Variants in ATP2A3 observed in about 807,000 individuals in gnomAD.
ATP2A3 encodes the protein ATPase sarcoplasmic/endoplasmic reticulum Ca2+ transporting 3, also known as sarcoplasmic/endoplasmic reticulum calcium ATPase 3.
A neutral mutation model predicts 106.8 loss-of-function variants in ATP2A3; 61 were observed. The observed-to-expected ratio is 0.57, with a 90% CI of 0.46 to 0.71. The LOEUF (loss-of-function observed/expected upper bound fraction) is 0.71, where lower values mean the gene tolerates loss of function less well. Among genes scored for constraint, ATP2A3 ranks in the 30% least tolerant of loss-of-function variants. The pLI is 0.00. For missense variants in ATP2A3, 1,201 were observed against 1,423.5 expected, an observed-to-expected ratio of 0.84 and a Z score of 2.52; for synonymous variants, 611 against 609.3, an observed-to-expected ratio of 1.00 and a Z score of -0.04.
rs2052615665 is a variant in ATP2A3, at chr17:3,924,778, T to C, written c.*644A>G. The C allele has an allele frequency of 4.4e-6, 2 of 456,486 alleles. No individual in the cohort carries two copies. The highest frequency in any genetic ancestry group is 2.0e-5 in the African/African-American group (1 of 50,064). The allele number at this position is 456,486 out of a possible 1,614,324, so 28.3% of individuals were successfully genotyped here. A position where few individuals can be genotyped will look rare whatever the true frequency, so the allele number is the denominator to read the frequency against. ...CCTGCCGGCTCCTTGTGTCCGTCTC[T>C]CTGACCCTTCACCCGCCCGGGCCCT... On this transcript the variant is annotated 3_prime_UTR_variant, in exon 21 of 21. Transcript: ENST00000397041. The surrounding 1 kb of genome is among the most constrained non-coding windows in gnomAD (Gnocchi z 6.4).
rs1311479458 is a variant in ATP2A3, at chr17:3,930,805, T to C, written c.2611-371A>G. ...AACCATGCGGGAGTGGAATTCACCT[T>C]TGCGGTATAGAAGATGAAGGCTACG... On this transcript the variant is annotated intron_variant, in intron 17 of 20. Coordinates refer to ENST00000397041, the MANE Select transcript of ATP2A3 (RefSeq NM_005173.4). This position sits in a 1 kb window ranked among gnomAD's most constrained non-coding sequence, Gnocchi z 5.4. 8.1e-6 allele frequency: 3 copies of C among 372,336 alleles called. No homozygotes were observed. Among genetic ancestry groups the C allele is most frequent in the Non-Finnish European group, 1.6e-5 (3 of 191,584 alleles). 23.1% of individuals were successfully genotyped at this position (372,336 alleles called of 1,614,324 possible). A position where few individuals can be genotyped will look rare whatever the true frequency, so the allele number is the denominator to read the frequency against.
At chr17:3,951,418 T>A (rs542682830) in intron 4 of ATP2A3, 29 bp from the exon 5 acceptor site, 1 of 1,613,274 alleles carries the variant, frequency 6.2e-7, no homozygotes, top group South Asian at 1.1e-5. Flanking sequence ...GCAGGCAGTC[T>A]GTCCCTGCTG....
chr17:3,929,551 G>A lies in ATP2A3; in HGVS notation c.2745-106C>T, dbSNP rs1447336634. 4 of 984,348 alleles carry A rather than the reference G, an allele frequency of 4.1e-6. No individual in the cohort carries two copies. The allele number at this position is 984,348 out of a possible 1,614,324, so 61.0% of individuals were successfully genotyped here. ...ACCACTTCTCTAGCGGTGCATTGCT[G>A]TTGCCCGCTCGGCCTGCCAGGGCCT... On this transcript the variant is annotated intron_variant, in intron 18 of 20. Transcript: ENST00000397041. The surrounding 1 kb of genome is among the most constrained non-coding windows in gnomAD (Gnocchi z 4.3).
chr17:3,928,214 C>T lies in ATP2A3; in HGVS notation c.2980+449G>A. On this transcript the variant is annotated intron_variant, in intron 20 of 20. Transcript: ENST00000397041. This position sits in a 1 kb window ranked among gnomAD's most constrained non-coding sequence, Gnocchi z 6.1. ...GAAACAACCCTCCCCTTGACCCACC[C>T]ACAAGGTGATACCAAAGAGGCCAAC... The T allele has an allele frequency of 6.2e-7, 1 of 1,613,316 alleles. No individual in the cohort carries two copies. The highest frequency in any genetic ancestry group is 8.5e-7 in the Non-Finnish European group (1 of 1,179,684).
rs979770911 is a variant in ATP2A3, at chr17:3,925,164, C to G, written c.*258G>C. ...CCCCTCCCAGCCTGCAGCTCCTGGG[C>G]CAGAGCTGCAGAGCAGGGAACTTCC... is the stretch of plus-strand genomic sequence containing the variant. On this transcript the variant is annotated 3_prime_UTR_variant, in exon 21 of 21. Transcript: ENST00000397041. This position sits in a 1 kb window ranked among gnomAD's most constrained non-coding sequence, Gnocchi z 4.2. 4.9e-6 allele frequency: 3 copies of G among 607,840 alleles called. No individual in the cohort carries two copies. The African/African-American group carries it at 5.6e-5, about 11-fold the overall frequency. The allele number at this position is 607,840 out of a possible 1,614,324, so 37.7% of individuals were successfully genotyped here. A position where few individuals can be genotyped will look rare whatever the true frequency, so the allele number is the denominator to read the frequency against.
rs998942768 is a variant in ATP2A3 at position 3,926,352 on chromosome 17, C to T, written c.2981-911G>A. ...GGGCTGTCTGGGCTTCCAGTGAGCACATTCCTCGGGGTGCCTCCACCCCAC... is the reference window on the plus strand; with the variant it reads ...GGGCTGTCTGGGCTTCCAGTGAGCATATTCCTCGGGGTGCCTCCACCCCAC... On this transcript the variant is annotated intron_variant, in intron 20 of 20. Coordinates refer to ENST00000397041, the MANE Select transcript of ATP2A3 (RefSeq NM_005173.4). The surrounding 1 kb of genome is among the most constrained non-coding windows in gnomAD (Gnocchi z 4.6). Among the ~76,000 whole-genome samples, 5 of 152,188 alleles carry T rather than the reference C, an allele frequency of 3.3e-5. No individual in the cohort carries two copies. Among genetic ancestry groups the T allele is most frequent in the African/African-American group, 9.7e-5 (4 of 41,442 alleles).
chr17:3,931,978 C>G (rs540153136), intron 17 of ATP2A3, among the ~76,000 whole-genome samples: 2 of 152,138 alleles, frequency 1.3e-5, no homozygotes, highest in Non-Finnish European at 2.9e-5. Context: ...CTCTGAGTAT[C>G]GTTTCTCCTC....
intron 20 of ATP2A3, chr17:3,927,547 G>A (rs895398022): frequency 1.0e-6 from 1 of 985,326 alleles, no homozygotes; most frequent in African/African-American, 1.7e-5. Context: ...TCCGGCCAGT[G>A]CAGGGATGCC....
rs948201859 is a variant in ATP2A3 at position 3,955,178 on chromosome 17, C to T, written c.119-1468G>A. Among the ~76,000 whole-genome samples the T allele has an allele frequency of 6.6e-6, 1 of 152,222 alleles. No homozygotes were observed. The highest frequency in any genetic ancestry group is 6.5e-5 in the Admixed American group (1 of 15,284). On this transcript the variant is annotated intron_variant, in intron 1 of 20. Transcript: ENST00000397041. The surrounding 1 kb of genome is among the most constrained non-coding windows in gnomAD (Gnocchi z 4.2). ...CTCGTTAGCCATGCGGAATCTGAGG[C>T]CCCGGCCATGGCTGGCTCTCTTCCA...
intron 1 of ATP2A3, among the ~76,000 whole-genome samples, chr17:3,959,401 C>T (rs1268607673): frequency 1.3e-5 from 2 of 152,294 alleles, no homozygotes; most frequent in East Asian, 3.9e-4. Context: ...TGAGTCATCC[C>T]TGTGTTTATG....
rs2052583395 is a variant in ATP2A3 at position 3,924,002 on chromosome 17, C to G, written c.*1420G>C. 1 of 152,310 alleles carries G rather than the reference C, an allele frequency of 6.6e-6. No individual in the cohort carries two copies. Among genetic ancestry groups the G allele is most frequent in the Non-Finnish European group, 1.5e-5 (1 of 68,120 alleles). The allele number at this position is 152,310 out of a possible 1,614,324, so 9.4% of individuals were successfully genotyped here. A position where few individuals can be genotyped will look rare whatever the true frequency, so the allele number is the denominator to read the frequency against. On this transcript the variant is annotated 3_prime_UTR_variant, in exon 21 of 21. Coordinates refer to ENST00000397041, the MANE Select transcript of ATP2A3 (RefSeq NM_005173.4). The surrounding 1 kb of genome is among the most constrained non-coding windows in gnomAD (Gnocchi z 6.4). ...GCAGAGAATCTCTGCAGGCACCAGA[C>G]TCCCTGCCTCCCCCACTGCGTTTCT...
intron 14 of ATP2A3, among the ~76,000 whole-genome samples, chr17:3,940,161 T>C (rs1004172975): frequency 6.7e-6 from 1 of 150,108 alleles, no homozygotes; most frequent in African/African-American, 2.5e-5. Flanking sequence ...ATGCCTGGCA[T>C]TTTCCTATCT....
Position 3,953,429 on chromosome 17 carries a change from C to T in ATP2A3, c.137G>A (p.Gly46Glu). ...CAGCACCAGCTCCCACAGGGACTTC[C>T]CTGGGAACGGGGGTCATGTGTGAGG... is the stretch of plus-strand genomic sequence containing the variant. ...YGPNELPSEE[G>E]KSLWELVLEQ... The change falls in exon 3 of 21, where the codon GGG becomes GAG. Residue 46 changes from glycine (G) to glutamate (E), a missense_variant and splice_region_variant. Coordinates refer to ENST00000397041, the MANE Select transcript of ATP2A3 (RefSeq NM_005173.4). This position sits in a 1 kb window ranked among gnomAD's most constrained non-coding sequence, Gnocchi z 5.1. 1.1e-5 allele frequency: 18 copies of T among 1,613,902 alleles called. No individual in the cohort carries two copies. The highest frequency in any genetic ancestry group is 1.5e-5 in the Non-Finnish European group (18 of 1,179,988).
At chr17:3,933,699 G>A (rs1413797999) in intron 17 of ATP2A3, among the ~76,000 whole-genome samples, 1 of 151,126 alleles carries the variant, frequency 6.6e-6, no homozygotes, top group African/African-American at 2.5e-5. Context: ...TTGCACCACT[G>A]CACTCCAGCC....
rs1444050735 is a variant in ATP2A3 at position 3,928,173 on chromosome 17, C to G, written c.2980+490G>C. The G allele has an allele frequency of 1.2e-6, 2 of 1,605,850 alleles. No individual in the cohort carries two copies. Among genetic ancestry groups the G allele is most frequent in the Admixed American group, 3.3e-5 (2 of 59,978 alleles). On this transcript the variant is annotated intron_variant, in intron 20 of 20. Coordinates refer to ENST00000397041, the MANE Select transcript of ATP2A3 (RefSeq NM_005173.4). This position sits in a 1 kb window ranked among gnomAD's most constrained non-coding sequence, Gnocchi z 6.1. ...CTCCACTCCGGGGTTAAGGCAGACC[C>G]AGAGCTGTGAGCTCAGAAACAACCC...
chr17:3,951,545 C>CCCCCCCCCCCCCCA, intron 4 of ATP2A3, 36 bp downstream of exon 4: 1 of 1,351,108 alleles, frequency 7.4e-7, no homozygotes, highest in Non-Finnish European at 1.0e-6. Flanking sequence ...GCTGGGAGAC[C>CCCCCCCCCCCCCCA]GCCCCCCGCC....
intron 1 of ATP2A3, among the ~76,000 whole-genome samples, chr17:3,962,571 C>T (rs918249121): frequency 6.6e-6 from 1 of 152,196 alleles, no homozygotes; most frequent in Non-Finnish European, 1.5e-5. Flanking sequence ...AGCCCACAGC[C>T]TTCCCCATCA....
In ATP2A3 at chr17:3,930,569, C is replaced by G; in HGVS notation, c.2611-135G>C. 4.9e-6 allele frequency: 4 copies of G among 818,762 alleles called. No homozygotes were observed. The highest frequency in any genetic ancestry group is 7.2e-6 in the Non-Finnish European group (4 of 558,298). 50.7% of individuals were successfully genotyped at this position (818,762 alleles called of 1,614,324 possible). A position where few individuals can be genotyped will look rare whatever the true frequency, so the allele number is the denominator to read the frequency against. On this transcript the variant is annotated intron_variant, in intron 17 of 20. Transcript: ENST00000397041. The surrounding 1 kb of genome is among the most constrained non-coding windows in gnomAD (Gnocchi z 5.4). ...ACACAAAACACTGCCGTGGGGTGGGCTGGGGATCCCGGGAGGGGTGCGGGG... is the reference window on the plus strand; with the variant it reads ...ACACAAAACACTGCCGTGGGGTGGGGTGGGGATCCCGGGAGGGGTGCGGGG...
At position 3,924,654 on chromosome 17, in the gene ATP2A3, G is replaced by A. The variant is rs1799495770; in HGVS notation, c.*768C>T. On this transcript the variant is annotated 3_prime_UTR_variant, in exon 21 of 21. Coordinates refer to ENST00000397041, the MANE Select transcript of ATP2A3 (RefSeq NM_005173.4). The surrounding 1 kb of genome is among the most constrained non-coding windows in gnomAD (Gnocchi z 6.4). ...TGACTCTGAACATCTCCCGAGCTCA[G>A]GACGGGGAACCCTGAGTCCAGGAGG... is the stretch of plus-strand genomic sequence containing the variant. 8.1e-6 allele frequency: 3 copies of A among 369,854 alleles called. No individual in the cohort carries two copies. The highest frequency in any genetic ancestry group is 4.1e-5 in the African/African-American group (2 of 48,436). 22.9% of individuals were successfully genotyped at this position (369,854 alleles called of 1,614,324 possible).
Sources: allele counts gnomAD v4.1 joint callset (sites outside exome capture counted in the v4.1 genomes callset), GRCh38; gene constraint gnomAD v4.1.1; non-coding constraint Gnocchi (gnomAD v3.1); transcripts MANE v1.5; gene names NCBI Gene and HGNC (gene_info 2026-07-23, HGNC 2026-07-21).